The following DCUN1D2 variants were observed in gnomAD, a reference collection of about 807,000 sequenced individuals.
The protein encoded by DCUN1D2 is DCN1-like protein 2.
A neutral mutation model predicts 30.9 loss-of-function variants in DCUN1D2; 29 were observed. The ratio of observed to expected loss-of-function variants is 0.94; its 90% CI spans 0.70 to 1.28. DCUN1D2 has a LOEUF of 1.28. Among genes scored for constraint, DCUN1D2 ranks in the 50% most tolerant of loss-of-function variants. DCUN1D2 has a pLI of 0.00. For synonymous variants in DCUN1D2, 121 were observed against 115.3 expected (o/e 1.05, Z -0.32); for missense variants, 325 against 316.9 (o/e 1.03, Z -0.19).
At chr13:113,471,175 A>AGACACAACTCCACAGGG (rs2044506362) in intron 4 of DCUN1D2, among the ~76,000 whole-genome samples, 4 of 131,128 alleles carry the variant, frequency 3.1e-5, no homozygotes, top group African/African-American at 1.2e-4. Flanking sequence ...ACTCCACAGA[A>AGACACAACTCCACAGGG]GACACAACTC....
intron 3 of DCUN1D2, among the ~76,000 whole-genome samples, chr13:113,477,880 C>A (rs573538360): frequency 6.6e-6 from 1 of 152,234 alleles, no homozygotes; most frequent in East Asian, 1.9e-4. Context: ...GATGTATCAT[C>A]CTGGGCTTAT....
chr13:113,460,110 G>A (rs560082045), intron 5 of DCUN1D2, among the ~76,000 whole-genome samples: 1 of 152,344 alleles, frequency 6.6e-6, no homozygotes, highest in South Asian at 2.1e-4. Flanking sequence ...TATTTCGAGA[G>A]AAGTAATACA....
rs573071642 is a variant in DCUN1D2, at chr13:113,458,703, GCAGA to G, written c.701-599_701-596del. ...CAAAGAGAAGCAGAAGCTAAAACAGGCAGACAGACACGTAAACCACCCGTTAAAG... is the reference window on the plus strand; with the variant it reads ...CAAAGAGAAGCAGAAGCTAAAACAGGCAGACACGTAAACCACCCGTTAAAG... On this transcript the variant is annotated intron_variant, in intron 6 of 6. Coordinates refer to ENST00000478244, the MANE Select transcript of DCUN1D2 (RefSeq NM_001014283.2). Among the ~76,000 whole-genome samples, 184 of 152,354 alleles carry G rather than the reference GCAGA, an allele frequency of 1.2e-3. 1 individual carries two copies. The highest frequency in any genetic ancestry group is 4.1e-3 in the African/African-American group (170 of 41,588).
Position 113,469,685 on chromosome 13 carries a change from A to C in DCUN1D2, c.520+4439T>G, listed in dbSNP as rs2044469972. On this transcript the variant is annotated intron_variant, in intron 4 of 6. Transcript: ENST00000478244. ...GAGGGAGACCTCAACTCTAAAACAA[A>C]ATGTTAAGCCAGGTGTGGTGGCTCA... Among the ~76,000 whole-genome samples the C allele has an allele frequency of 2.7e-5, 4 of 147,954 alleles. No individual in the cohort carries two copies. In the South Asian group the frequency reaches 8.5e-4, roughly 31 times the overall value.
chr13:113,468,765 C>T (rs909021932), intron 4 of DCUN1D2: 3 of 152,274 alleles, frequency 2.0e-5, no homozygotes, highest in Non-Finnish European at 4.4e-5. Context: ...AGCCAAACAC[C>T]CAGAGGCAAC....
chr13:113,481,219 G>A (rs2044702435), intron 2 of DCUN1D2, among the ~76,000 whole-genome samples: 1 of 152,078 alleles, frequency 6.6e-6, no homozygotes, highest in South Asian at 2.1e-4. Context: ...AATGGTACTG[G>A]ACAATAACTA....
At chr13:113,484,217 A>G in intron 1 of DCUN1D2, 161 bp from the exon 2 acceptor site, 1 of 1,424,288 alleles carries the variant, frequency 7.0e-7, no homozygotes, top group Non-Finnish European at 9.2e-7. Context: ...AAACAACAGC[A>G]TCTATACTGT....
chr13:113,489,022 G>A (rs1244413872), intron 1 of DCUN1D2: 1 of 622,934 alleles, frequency 1.6e-6, no homozygotes, highest in Non-Finnish European at 2.0e-6. Context: ...CATATAATCT[G>A]GCACCAAGGA....
At chr13:113,469,225 T>C (rs1004549327) in intron 4 of DCUN1D2, among the ~76,000 whole-genome samples, 3 of 151,930 alleles carry the variant, frequency 2.0e-5, no homozygotes, top group Non-Finnish European at 2.9e-5. Flanking sequence ...CCATCCTCCT[T>C]CTGAAAGACT....
At chr13:113,483,295 C>T (rs1369579576) in intron 2 of DCUN1D2, among the ~76,000 whole-genome samples, 1 of 152,160 alleles carries the variant, frequency 6.6e-6, no homozygotes. Flanking sequence ...CAATCTGCAA[C>T]AAAAAGTTTC....
intron 1 of DCUN1D2, chr13:113,489,335 T>G: frequency 4.0e-5 from 7 of 173,018 alleles, no homozygotes; most frequent in Middle Eastern, 2.9e-3. Flanking sequence ...AAGCTATCTC[T>G]ACCTGCCCAG....
rs766764327 is a variant in DCUN1D2, at chr13:113,470,865, C to G, written c.520+3259G>C. Reference sequence around the variant, plus strand: ...CAACTCCACAGGGGACCCAAATCCACAGGGAACCCAGCTCCAAAGAAGACC... The same window carrying G: ...CAACTCCACAGGGGACCCAAATCCAGAGGGAACCCAGCTCCAAAGAAGACC... On this transcript the variant is annotated intron_variant, in intron 4 of 6. Coordinates refer to ENST00000478244, the MANE Select transcript of DCUN1D2 (RefSeq NM_001014283.2). 4.0e-5 allele frequency among the ~76,000 whole-genome samples: 6 copies of G among 150,450 alleles called. No individual in the cohort carries two copies. In the South Asian group the frequency reaches 8.4e-4, roughly 21 times the overall value.
intron 4 of DCUN1D2, among the ~76,000 whole-genome samples, chr13:113,465,977 C>G: frequency 6.6e-6 from 1 of 152,170 alleles, no homozygotes; most frequent in East Asian, 1.9e-4. Flanking sequence ...CCTCCGCCTC[C>G]TGGGTTCAAG....
intron 4 of DCUN1D2, among the ~76,000 whole-genome samples, chr13:113,473,256 C>T (rs1014291838): frequency 1.3e-5 from 2 of 152,114 alleles, no homozygotes; most frequent in Non-Finnish European, 2.9e-5. Context: ...GTGCCTGTTC[C>T]TCTGTGCAAC....
rs1320773978 is a variant in DCUN1D2 at position 113,488,857 on chromosome 13, T to G, written c.3+1810A>C. Among the ~76,000 whole-genome samples the G allele has an allele frequency of 6.6e-6, 1 of 151,972 alleles. No individual in the cohort carries two copies. Among genetic ancestry groups the G allele is most frequent in the Non-Finnish European group, 1.5e-5 (1 of 67,992 alleles). On this transcript the variant is annotated intron_variant, in intron 1 of 6. Coordinates refer to ENST00000478244, the MANE Select transcript of DCUN1D2 (RefSeq NM_001014283.2). This position sits in a 1 kb window ranked among gnomAD's most constrained non-coding sequence, Gnocchi z 4.3. ...CAGCTTTTAAAGTGTGTACATGGGG[T>G]GGGGGGAAGGCATTTTCTAGGTTTC...
At chr13:113,485,817 C>G (rs1433180270) in intron 1 of DCUN1D2, among the ~76,000 whole-genome samples, 1 of 152,144 alleles carries the variant, frequency 6.6e-6, no homozygotes, top group Non-Finnish European at 1.5e-5. Flanking sequence ...ACAGAACTAC[C>G]TTCCCGAGCG....
intron 1 of DCUN1D2, among the ~76,000 whole-genome samples, chr13:113,484,537 C>T (rs80006447): frequency 0.022 from 3,366 of 152,046 alleles, 56 homozygotes; most frequent in Middle Eastern, 0.065. Context: ...TGAAAATGTA[C>T]ACAAATAACT....
upstream of DCUN1D2, chr13:113,491,116 G>C (rs920651011): frequency 2.0e-5 from 3 of 150,202 alleles, no homozygotes; most frequent in African/African-American, 7.4e-5. Flanking sequence ...CCCTGGTCCC[G>C]CCTGGGAAGG....
chr13:113,461,097 G>C lies in DCUN1D2; in HGVS notation c.560C>G (p.Ser187Cys). The change falls in exon 5 of 7, where the codon TCT (serine) becomes TGT (cysteine). Residue 187 changes from serine to cysteine, a missense_variant. Physicochemically the swap from Ser to Cys is moderately radical, Grantham distance 112. Transcript: ENST00000478244. ...MAVAYWKLVL[S>C]GRFKFLDLWN... ...GAGATCTAAAAATTTAAACCTTCCA[G>C]ATAACACTAATTTCCAATACGCAAC... 1 of 1,611,100 alleles carries C rather than the reference G, an allele frequency of 6.2e-7. No individual in the cohort carries two copies. Among genetic ancestry groups the C allele is most frequent in the Non-Finnish European group, 8.5e-7 (1 of 1,178,088 alleles).
Sources: gnomAD v4.1 joint callset for allele counts (sites outside exome capture counted in the v4.1 genomes callset) on GRCh38, gnomAD v4.1.1 for gene constraint, Gnocchi (gnomAD v3.1) non-coding constraint, MANE v1.5 for transcripts, NCBI Gene and HGNC (gene_info 2026-07-23, HGNC 2026-07-21) for gene names.